Variants in SSUH2 observed in about 807,000 individuals in gnomAD.
SSUH2 encodes protein SSUH2 homolog.
A neutral mutation model predicts 55.3 loss-of-function variants in SSUH2; 47 were observed. That is an observed-to-expected ratio of 0.85 (90% CI 0.67 to 1.08). SSUH2 has a LOEUF of 1.08. SSUH2 is among the 50% of genes least tolerant of loss of function. The pLI is 0.00. For missense variants in SSUH2, 535 were observed against 490.7 expected (o/e 1.09, Z -0.85); for synonymous variants, 212 against 191.5 (o/e 1.11, Z -0.89).
intron 10 of SSUH2, among the ~76,000 whole-genome samples, chr3:8,624,650 AGACTATGTAGTCT>A (rs1361825726): frequency 3.9e-5 from 6 of 152,246 alleles, no homozygotes; most frequent in Admixed American, 2.6e-4. Context: ...TCAGGCTTTC[AGACTATGTAGTCT>A]GTCATTATCC....
At position 8,620,030 on chromosome 3, in the gene SSUH2, G is replaced by A. The variant is rs971677057; in HGVS notation, c.982-16C>T. ...TGGTCTGGCGCTGAGGAAACAAATAGCCAAGGAAAATGTCAGTGTTCTGTT... is the reference window on the plus strand; with the variant it reads ...TGGTCTGGCGCTGAGGAAACAAATAACCAAGGAAAATGTCAGTGTTCTGTT... On this transcript the variant is annotated splice_polypyrimidine_tract_variant and intron_variant, in intron 11 of 11. Transcript: ENST00000544814. The A allele has an allele frequency of 1.9e-6, 3 of 1,613,170 alleles. No individual in the cohort carries two copies. The highest frequency in any genetic ancestry group is 2.7e-5 in the African/African-American group (2 of 74,892).
chr3:8,642,857 G>A (rs1026897691), intron 1 of SSUH2, among the ~76,000 whole-genome samples: 5 of 152,102 alleles, frequency 3.3e-5, no homozygotes, highest in African/African-American at 1.2e-4. Context: ...AAATCTACCT[G>A]GTTTCTGATT....
At position 8,634,555 on chromosome 3, in the gene SSUH2, C is replaced by T. The variant is rs544403129; in HGVS notation, c.209+745G>A. Reference sequence around the variant, plus strand: ...CTCCAGCCCTGGCACACAGAGGGGCCCGTCTGTCTTCAGATCCATGGATGG... The same window carrying T: ...CTCCAGCCCTGGCACACAGAGGGGCTCGTCTGTCTTCAGATCCATGGATGG... On this transcript the variant is annotated intron_variant, in intron 3 of 11. Transcript: ENST00000544814. 7.0e-6 allele frequency: 9 copies of T among 1,289,764 alleles called. No homozygotes were observed. The African/African-American group carries it at 7.6e-5, about 11-fold the overall frequency. 79.9% of individuals were successfully genotyped at this position (1,289,764 alleles called of 1,614,324 possible).
At chr3:8,625,752 G>A in intron 9 of SSUH2, 105 bp from the exon 10 acceptor site, 1 of 732,690 alleles carries the variant, frequency 1.4e-6, no homozygotes. Context: ...ATTGCTACTG[G>A]AGGGACCTTG....
intron 7 of SSUH2, among the ~76,000 whole-genome samples, chr3:8,655,381 A>C (rs1702831323): frequency 1.0e-5 from 1 of 99,950 alleles, no homozygotes; most frequent in Non-Finnish European, 2.0e-5. Context: ...TGGCCTCCCC[A>C]AGATCACAGT....
upstream of SSUH2, among the ~76,000 whole-genome samples, chr3:8,645,004 C>T (rs1419008638): frequency 1.3e-5 from 2 of 152,214 alleles, no homozygotes; most frequent in Admixed American, 6.5e-5. Context: ...CTTCTAGTTA[C>T]TCATGTCCTC....
chr3:8,642,750 G>A (rs1217344635), intron 1 of SSUH2, among the ~76,000 whole-genome samples: 5 of 152,128 alleles, frequency 3.3e-5, no homozygotes, highest in South Asian at 2.1e-4. Flanking sequence ...ACATTAACTC[G>A]ATTGGATAAA....
chr3:8,648,535 G>A (rs926147), upstream of SSUH2, among the ~76,000 whole-genome samples: 105,485 of 151,882 alleles, frequency 0.69, 36,747 homozygotes, highest in East Asian at 0.77. Context: ...TGTCTCCTCA[G>A]CGACAGCAAA....
chr3:8,675,497 G>A (rs1172568450), intron 3 of SSUH2, among the ~76,000 whole-genome samples: 2 of 152,234 alleles, frequency 1.3e-5, no homozygotes, highest in African/African-American at 4.8e-5. Flanking sequence ...CTGGAGGACT[G>A]TGGGTATAAG....
chr3:8,663,035 G>A (rs1703648982), intron 6 of SSUH2, among the ~76,000 whole-genome samples: 1 of 152,250 alleles, frequency 6.6e-6, no homozygotes, highest in Non-Finnish European at 1.5e-5. Flanking sequence ...ATCATTGGAA[G>A]ATCACAGTGG....
At chr3:8,624,797 G>A (rs116753520) in intron 10 of SSUH2, among the ~76,000 whole-genome samples, 1,639 of 152,228 alleles carry the variant, frequency 0.011, 22 homozygotes, top group African/African-American at 0.037. Context: ...CTCCTGGCCC[G>A]CAGGACCCTC....
chr3:8,633,603 G>A (rs1471094781), intron 4 of SSUH2, 63 bp downstream of exon 4: 2 of 1,382,006 alleles, frequency 1.4e-6, no homozygotes, highest in Non-Finnish European at 1.9e-6. Context: ...GGCCTCCACT[G>A]TCCCAAAGCC....
chr3:8,673,604 CCATCGGTTGCT>C (rs1374158846), intron 3 of SSUH2, among the ~76,000 whole-genome samples: 1 of 152,182 alleles, frequency 6.6e-6, no homozygotes, highest in Non-Finnish European at 1.5e-5. Context: ...GGGTTGATTG[CCATCGGTTGCT>C]CATGTTCCTC....
Position 8,625,715 on chromosome 3 carries a change from C to G in SSUH2, c.768-68G>C, listed in dbSNP as rs1308123279. The G allele has an allele frequency of 3.6e-6, 4 of 1,105,266 alleles. 1 individual carries two copies. Among genetic ancestry groups the G allele is most frequent in the Non-Finnish European group, 4.1e-6 (3 of 726,704 alleles). 68.5% of individuals were successfully genotyped at this position (1,105,266 alleles called of 1,614,324 possible). A position where few individuals can be genotyped will look rare whatever the true frequency, so the allele number is the denominator to read the frequency against. Reference sequence around the variant, plus strand: ...AGGTTAAAAGCATGGCCTTTGCAATCAGACAGACCTGGGGTTGAGGGCTTG... The same window carrying G: ...AGGTTAAAAGCATGGCCTTTGCAATGAGACAGACCTGGGGTTGAGGGCTTG... On this transcript the variant is annotated intron_variant, in intron 9 of 11. Transcript: ENST00000544814.
At chr3:8,679,229 A>AG (rs111664905) in intron 2 of SSUH2, among the ~76,000 whole-genome samples, 80,717 of 82,622 alleles carry the variant, frequency 0.98, 39,426 homozygotes, top group South Asian at 0.99. Context: ...ACCCTCCGTG[A>AG]GCGGGGACTG....
upstream of SSUH2, among the ~76,000 whole-genome samples, chr3:8,646,052 C>A (rs898739548): frequency 6.6e-6 from 1 of 152,158 alleles, no homozygotes; most frequent in Non-Finnish European, 1.5e-5. Context: ...TCCTGAGGAA[C>A]AAATGTGGTC....
chr3:8,650,191 A>G (rs377441892), intron 7 of SSUH2, among the ~76,000 whole-genome samples: 6 of 152,248 alleles, frequency 3.9e-5, no homozygotes, highest in South Asian at 2.1e-4. Flanking sequence ...CCCTGCCGCC[A>G]CCACCAAATC....
At chr3:8,673,490 T>C (rs1194330822) in intron 3 of SSUH2, among the ~76,000 whole-genome samples, 1 of 152,100 alleles carries the variant, frequency 6.6e-6, no homozygotes, top group African/African-American at 2.4e-5. Flanking sequence ...CCTTCACCTC[T>C]GCTGACCTTC....
In SSUH2 at chr3:8,644,794, C is replaced by A; in HGVS notation, c.-36G>T. 2 of 1,534,934 alleles carry A rather than the reference C, an allele frequency of 1.3e-6. No homozygotes were observed. The highest frequency in any genetic ancestry group is 8.7e-7 in the Non-Finnish European group (1 of 1,145,852). On this transcript the variant is annotated 5_prime_UTR_variant, in exon 1 of 12. Coordinates refer to ENST00000544814, the MANE Select transcript of SSUH2 (RefSeq NM_001256748.3). ...TCCTGCCAAAGAGATGTCTGCCCTT[C>A]GAGTGTGCTTGGACCGATGTGCTCT...
Sources: gnomAD v4.1 joint callset for allele counts (sites outside exome capture counted in the v4.1 genomes callset) on GRCh38, gnomAD v4.1.1 for gene constraint, MANE v1.5 for transcripts, NCBI Gene and HGNC (gene_info 2026-07-23, HGNC 2026-07-21) for gene names.